Variants in TTC38 observed in about 807,000 individuals in gnomAD.
The protein encoded by TTC38 is tetratricopeptide repeat domain 38.
Under a neutral mutation model 64.2 loss-of-function variants are expected in TTC38, and 64 were observed. The ratio of observed to expected loss-of-function variants is 1.00; its 90% confidence interval spans 0.81 to 1.23. The LOEUF (loss-of-function observed/expected upper bound fraction) is 1.23. TTC38 is among the 50% of genes most tolerant of loss of function. The probability of loss-of-function intolerance (pLI) is 0.00; values close to 1 mark genes in which losing one functional copy is unlikely to be tolerated. For missense variants in TTC38, 573 were observed against 615.5 expected, an observed-to-expected ratio of 0.93 and a Z score of 0.73; for synonymous variants, 254 against 249.3, an observed-to-expected ratio of 1.02 and a Z score of -0.18.
chr22:46,293,599 CAG>C lies in TTC38; in HGVS notation c.*716_*717del, dbSNP rs2077632425. The C allele has an allele frequency of 6.6e-6, 1 of 152,186 alleles. No individual in the cohort carries two copies. Among genetic ancestry groups the C allele is most frequent in the Non-Finnish European group, 1.5e-5 (1 of 68,068 alleles). 9.4% of individuals were successfully genotyped at this position (152,186 alleles called of 1,614,324 possible). On this transcript the variant is annotated 3_prime_UTR_variant, in exon 14 of 14. Transcript: ENST00000381031. This position sits in a 1 kb window ranked among gnomAD's most constrained non-coding sequence, Gnocchi z 6.6. ...TCTCTTTTTAAACTGCACATCATAA[CAG>C]GGCTTCATGTCGAGCATGATTTTAA...
In TTC38 at chr22:46,280,523, G is replaced by A. The variant is rs555389604; in HGVS notation, c.616-1076G>A. On this transcript the variant is annotated intron_variant, in intron 6 of 13. Coordinates refer to ENST00000381031, the MANE Select transcript of TTC38 (RefSeq NM_017931.4). ...AAAGCAGCATGCTTAGCAGGGTCCCGTCTCGGGGCCCCACGCCCGCCCTGC... is the reference window on the plus strand; with the variant it reads ...AAAGCAGCATGCTTAGCAGGGTCCCATCTCGGGGCCCCACGCCCGCCCTGC... Among the ~76,000 whole-genome samples, 452 of 152,356 alleles carry A rather than the reference G, an allele frequency of 3.0e-3. 7 individuals are homozygous for A. Among genetic ancestry groups the A allele is most frequent in the African/African-American group, 1.0e-2 (415 of 41,584 alleles).
rs1379954831 is a variant in TTC38 at position 46,282,241 on chromosome 22, G to A, written c.735+523G>A. The A allele has an allele frequency of 3.5e-6, 1 of 286,564 alleles. No individual in the cohort carries two copies. The highest frequency in any genetic ancestry group is 7.0e-6 in the Non-Finnish European group (1 of 142,152). The allele number at this position is 286,564 out of a possible 1,614,324, so 17.8% of individuals were successfully genotyped here. ...TCCAAGGCCTACAGTGGCCTGTGAGGGAGAGGAGAGCTGCTTACTTTGGTG... is the reference window on the plus strand; with the variant it reads ...TCCAAGGCCTACAGTGGCCTGTGAGAGAGAGGAGAGCTGCTTACTTTGGTG... On this transcript the variant is annotated intron_variant, in intron 7 of 13. Coordinates refer to ENST00000381031, the MANE Select transcript of TTC38 (RefSeq NM_017931.4). The surrounding 1 kb of genome is among the most constrained non-coding windows in gnomAD (Gnocchi z 4.4).
Position 46,268,049 on chromosome 22 carries a change from G to C in TTC38, c.10G>C (p.Ala4Pro), listed in dbSNP as rs770682248. The change falls in exon 1 of 14, where the codon GCC becomes CCC. Residue 4 changes from alanine to proline, a missense_variant. Coordinates refer to ENST00000381031, the MANE Select transcript of TTC38 (RefSeq NM_017931.4). MAA[A>P]SPLRDCQAWK... The stretch of plus-strand genomic sequence containing the variant: ...TCCGACCCGGCGCAACATGGCCGCA[G>C]CCTCGCCTCTGCGCGACTGCCAGGT... 174 of 1,543,458 alleles carry C rather than the reference G, an allele frequency of 1.1e-4. 1 individual carries two copies. In the Middle Eastern group the frequency reaches 1.7e-3, roughly 15 times the overall value.
chr22:46,280,537 C>A (rs954861465), intron 6 of TTC38, among the ~76,000 whole-genome samples: 1 of 152,260 alleles, frequency 6.6e-6, no homozygotes, highest in Admixed American at 6.5e-5. Context: ...CGGGGCCCCA[C>A]GCCCGCCCTG....
Position 46,271,204 on chromosome 22 carries a change from C to A in TTC38, c.112-1131C>A, listed in dbSNP as rs1936887810. ...AAGAAGCCGATGTGGAGCAGGTCAC[C>A]TGTCAGGAGGAACCTGCCTTTTCTT... is the stretch of plus-strand genomic sequence containing the variant. On this transcript the variant is annotated intron_variant, in intron 2 of 13. Transcript: ENST00000381031. The surrounding 1 kb of genome is among the most constrained non-coding windows in gnomAD (Gnocchi z 5.5). 6.6e-6 allele frequency among the ~76,000 whole-genome samples: 1 copy of A among 152,156 alleles called. No homozygotes were observed. Among genetic ancestry groups the A allele is most frequent in the African/African-American group, 2.4e-5 (1 of 41,432 alleles).
At chr22:46,288,274 C>T (rs1040539242) in intron 10 of TTC38, 149 bp from the exon 11 acceptor site, 10 of 703,580 alleles carry the variant, frequency 1.4e-5, no homozygotes, top group Admixed American at 5.4e-5. Context: ...CAAGGCCAGA[C>T]GCTGCCCGTG....
intron 12 of TTC38, 96 bp from the exon 13 acceptor site, chr22:46,289,730 A>G: frequency 6.7e-7 from 1 of 1,483,112 alleles, no homozygotes; most frequent in Non-Finnish European, 9.4e-7. Context: ...CATCAACACC[A>G]CTGTCTCCCT....
chr22:46,274,106 A>G lies in TTC38; in HGVS notation c.365+37A>G. 2.5e-6 allele frequency: 3 copies of G among 1,180,288 alleles called. No homozygotes were observed. Among genetic ancestry groups the G allele is most frequent in the Non-Finnish European group, 2.3e-6 (2 of 861,728 alleles). The allele number at this position is 1,180,288 out of a possible 1,614,324, so 73.1% of individuals were successfully genotyped here. A position where few individuals can be genotyped will look rare whatever the true frequency, so the allele number is the denominator to read the frequency against. On this transcript the variant is annotated intron_variant, in intron 4 of 13. Transcript: ENST00000381031. This position sits in a 1 kb window ranked among gnomAD's most constrained non-coding sequence, Gnocchi z 4.8. ...CCCTGGGCTGGGAGCTGGCACCCTGAGGCTGAGCTGGGGGAGTGGCAGGGT... is the reference window on the plus strand; with the variant it reads ...CCCTGGGCTGGGAGCTGGCACCCTGGGGCTGAGCTGGGGGAGTGGCAGGGT...
At position 46,274,035 on chromosome 22, in the gene TTC38, C is replaced by CATT; in HGVS notation, c.331_332insATT (p.Gln110_Leu111insHis). ...CCAGCCGCTGACAAGGCGGGAGCAG[C>CATT]TGCACGTGTCTGCAGTAGAGACATT... On this transcript the variant is annotated inframe_insertion, in exon 4 of 14. Transcript: ENST00000381031. This position sits in a 1 kb window ranked among gnomAD's most constrained non-coding sequence, Gnocchi z 4.8. 1.2e-6 allele frequency: 2 copies of CATT among 1,614,128 alleles called. No individual in the cohort carries two copies. The highest frequency in any genetic ancestry group is 1.7e-6 in the Non-Finnish European group (2 of 1,180,020).
At chr22:46,277,433 C>T (rs189143705) in intron 5 of TTC38, among the ~76,000 whole-genome samples, 14 of 151,996 alleles carry the variant, frequency 9.2e-5, no homozygotes, top group Admixed American at 2.0e-4. Context: ...GGTGAAACCC[C>T]GTCTCTACTA....
rs1936925931 is a variant in TTC38 at position 46,272,903 on chromosome 22, C to T, written c.193+487C>T. Reference sequence around the variant, plus strand: ...GACAGAGGCTGGCATCCAGGCAAGCCATGTGTACAGCGGGCATGGGGAAGC... The same window carrying T: ...GACAGAGGCTGGCATCCAGGCAAGCTATGTGTACAGCGGGCATGGGGAAGC... On this transcript the variant is annotated intron_variant, in intron 3 of 13. Coordinates refer to ENST00000381031, the MANE Select transcript of TTC38 (RefSeq NM_017931.4). This position sits in a 1 kb window ranked among gnomAD's most constrained non-coding sequence, Gnocchi z 6.4. Among the ~76,000 whole-genome samples the T allele has an allele frequency of 6.6e-6, 1 of 152,168 alleles. No homozygotes were observed. The highest frequency in any genetic ancestry group is 2.1e-4 in the South Asian group (1 of 4,832).
Position 46,282,367 on chromosome 22 carries a change from GC to G in TTC38, c.735+651del, listed in dbSNP as rs1164135646. 6.6e-6 allele frequency among the ~76,000 whole-genome samples: 1 copy of G among 152,034 alleles called. No individual in the cohort carries two copies. Among genetic ancestry groups the G allele is most frequent in the Non-Finnish European group, 1.5e-5 (1 of 68,008 alleles). On this transcript the variant is annotated intron_variant, in intron 7 of 13. Transcript: ENST00000381031. This position sits in a 1 kb window ranked among gnomAD's most constrained non-coding sequence, Gnocchi z 4.4. ...GTGGTGTCCAGGCAGAGGCAGAAAC[GC>G]CTGCAGAGGCCTCAGGGAAGGAAAG... is the stretch of plus-strand genomic sequence containing the variant.
At position 46,290,482 on chromosome 22, in the gene TTC38, GCTGGAGGGTGAGTGTTAGGGTGGCAT is replaced by G. The variant is rs1569027686; in HGVS notation, c.1316+584_1316+609del. On this transcript the variant is annotated intron_variant, in intron 13 of 13. Transcript: ENST00000381031. ...ATGGGGCTGGTAGGAGGGTGGCGTG[GCTGGAGGGTGAGTGTTAGGGTGGCAT>G]GGCTGGAGGGTGAGTGTGTTAGGGC... Among the ~76,000 whole-genome samples the G allele has an allele frequency of 8.8e-4, 133 of 151,524 alleles. 3 individuals are homozygous for G. Among genetic ancestry groups the G allele is most frequent in the African/African-American group, 3.0e-3 (121 of 40,860 alleles).
At chr22:46,280,225 GCAGGCA>G (rs1569020379) in intron 6 of TTC38, 1 of 470,624 alleles carries the variant, frequency 2.1e-6, no homozygotes, top group South Asian at 1.5e-5. Flanking sequence ...CAGGCAGGCG[GCAGGCA>G]CAGGCACAGC....
chr22:46,288,397 C>T (rs766950434), intron 10 of TTC38, 26 bp from the exon 11 acceptor site: 1 of 1,606,190 alleles, frequency 6.2e-7, no homozygotes, highest in African/African-American at 1.3e-5. Flanking sequence ...CACTCCAGGC[C>T]CTGGGTCTCC....
At position 46,272,450 on chromosome 22, in the gene TTC38, G is replaced by A. The variant is rs898821662; in HGVS notation, c.193+34G>A. 14 of 1,540,146 alleles carry A rather than the reference G, an allele frequency of 9.1e-6. No individual in the cohort carries two copies. The highest frequency in any genetic ancestry group is 4.5e-5 in the South Asian group (4 of 89,400). On this transcript the variant is annotated intron_variant, in intron 3 of 13. Coordinates refer to ENST00000381031, the MANE Select transcript of TTC38 (RefSeq NM_017931.4). The surrounding 1 kb of genome is among the most constrained non-coding windows in gnomAD (Gnocchi z 6.4). The stretch of plus-strand genomic sequence containing the variant: ...CGCCTTCCCTGGGTGGAGGAGCCCC[G>A]CTTCACACATCCAGCCCCTCTCTTT...
rs1937002602 is a variant in TTC38 at position 46,276,125 on chromosome 22, A to G, written c.539+704A>G. ...TAGTCAGCACTCTCCAGAGAAGCCCAGAGAGCTCTGAGACAGAGAGAGAGA... is the reference window on the plus strand; with the variant it reads ...TAGTCAGCACTCTCCAGAGAAGCCCGGAGAGCTCTGAGACAGAGAGAGAGA... On this transcript the variant is annotated intron_variant, in intron 5 of 13. Coordinates refer to ENST00000381031, the MANE Select transcript of TTC38 (RefSeq NM_017931.4). This position sits in a 1 kb window ranked among gnomAD's most constrained non-coding sequence, Gnocchi z 4.7. Among the ~76,000 whole-genome samples the G allele has an allele frequency of 6.6e-6, 1 of 152,234 alleles. No homozygotes were observed. The highest frequency in any genetic ancestry group is 2.4e-5 in the African/African-American group (1 of 41,470).
Position 46,292,861 on chromosome 22 carries a change from GCTACCGT to G in TTC38, c.1389_1395del (p.Val465SerfsTer45). On this transcript the variant is annotated frameshift_variant, in exon 14 of 14. Transcript: ENST00000381031. LOFTEE classifies it high-confidence loss of function. The surrounding 1 kb of genome is among the most constrained non-coding windows in gnomAD (Gnocchi z 6.5). ...GACCGAGCGGCTCATCCGCAAGGCA[GCTACCGT>G]CCACCTCATGCAGTGAGCCAGCCTG... is the stretch of plus-strand genomic sequence containing the variant. 6.2e-7 allele frequency: 1 copy of G among 1,613,862 alleles called. No individual in the cohort carries two copies. Among genetic ancestry groups the G allele is most frequent in the East Asian group, 2.2e-5 (1 of 44,876 alleles).
intron 1 of TTC38, 132 bp downstream of exon 1, chr22:46,268,204 C>A: frequency 9.8e-7 from 1 of 1,019,376 alleles, no homozygotes; most frequent in Non-Finnish European, 1.4e-6. Flanking sequence ...ACGGGCGCGT[C>A]CGCGGCAACG....
Sources: allele counts gnomAD v4.1 joint callset (sites outside exome capture counted in the v4.1 genomes callset), GRCh38; gene constraint gnomAD v4.1.1; non-coding constraint Gnocchi (gnomAD v3.1); transcripts MANE v1.5; gene names NCBI Gene and HGNC (gene_info 2026-07-23, HGNC 2026-07-21).